PHF20L1: variants seen among roughly 807,000 people sequenced by gnomAD.
The protein encoded by PHF20L1 is PHD finger protein 20 like 1.
In PHF20L1, 44 loss-of-function variants were observed where a neutral mutation model predicts 125.5. That is an observed-to-expected ratio of 0.35 (90% CI 0.28 to 0.45). PHF20L1 has a LOEUF of 0.45. Ranked by LOEUF, PHF20L1 falls within the 20% of genes least tolerant of loss-of-function variation. PHF20L1 has a pLI of 1.00. For synonymous variants in PHF20L1, 380 were observed against 403.1 expected (o/e 0.94, Z 0.69); for missense variants, 1,012 against 1,217.2 (o/e 0.83, Z 2.51).
At chr8:132,779,058 T>C (rs1830139523) in intron 2 of PHF20L1, among the ~76,000 whole-genome samples, 1 of 152,194 alleles carries the variant, frequency 6.6e-6, no homozygotes, top group South Asian at 2.1e-4. Context: ...GTTTCTCTCT[T>C]TTAACATCTG....
chr8:132,831,718 A>G (rs1231915979), intron 14 of PHF20L1, among the ~76,000 whole-genome samples: 1 of 151,982 alleles, frequency 6.6e-6, no homozygotes, highest in Non-Finnish European at 1.5e-5. Flanking sequence ...GTTCTGGGGT[A>G]CATGTACAGG....
rs1194572866 is a variant in PHF20L1, at chr8:132,842,673, C to T, written c.2546C>T (p.Pro849Leu). 3 of 1,613,008 alleles carry T rather than the reference C, an allele frequency of 1.9e-6. No homozygotes were observed. The highest frequency in any genetic ancestry group is 1.1e-5 in the South Asian group (1 of 91,028). The change falls in exon 19 of 21, where the codon CCC becomes CTC. Residue 849 changes from proline (P) to leucine (L), a missense_variant. This residue lies in a region of PHF20L1 where 277 missense variants were observed against 283.6 expected (regional missense o/e 0.98). Coordinates refer to ENST00000395386, the MANE Select transcript of PHF20L1 (RefSeq NM_016018.5). ...VQNHKEPPRLPLKMEGTYITS... is the reference protein window; with the variant it reads ...VQNHKEPPRLLLKMEGTYITS... ...AACCATAAAGAACCACCTCGTTTGCCCCTAAAAATGGAAGGAACTTATATA... is the reference window on the plus strand; with the variant it reads ...AACCATAAAGAACCACCTCGTTTGCTCCTAAAAATGGAAGGAACTTATATA...
chr8:132,812,461 A>G (rs1418921009), intron 9 of PHF20L1: 3 of 984,904 alleles, frequency 3.0e-6, no homozygotes, highest in Non-Finnish European at 3.6e-6. Context: ...ATTGAATTTA[A>G]AAAAGAAAGG....
intron 7 of PHF20L1, 27 bp from the exon 8 acceptor site, chr8:132,804,588 C>T (rs1420708359): frequency 7.0e-6 from 11 of 1,565,252 alleles, no homozygotes; most frequent in Non-Finnish European, 8.7e-6. Context: ...TAGATAAACT[C>T]TCATATATGT....
chr8:132,777,235 T>A lies in PHF20L1; in HGVS notation c.-37-557T>A, dbSNP rs965096778. Among the ~76,000 whole-genome samples, 4 of 152,226 alleles carry A rather than the reference T, an allele frequency of 2.6e-5. No homozygotes were observed. In the South Asian group the frequency reaches 8.3e-4, roughly 31 times the overall value. ...GGAGATCATGGGTAATGAAAAATCC[T>A]AATCCCAAGAGGAATTAGTGGTATC... On this transcript the variant is annotated intron_variant, in intron 1 of 20. Coordinates refer to ENST00000395386, the MANE Select transcript of PHF20L1 (RefSeq NM_016018.5).
At chr8:132,834,627 C>T (rs1280896585) in intron 15 of PHF20L1, among the ~76,000 whole-genome samples, 2 of 152,054 alleles carry the variant, frequency 1.3e-5, no homozygotes, top group East Asian at 1.9e-4. Flanking sequence ...AGCCGCTGTG[C>T]CCGGCCCATT....
At chr8:132,842,332 TTTAA>T (rs1275292462) in intron 18 of PHF20L1, 179 bp from the exon 19 acceptor site, 6 of 471,610 alleles carry the variant, frequency 1.3e-5, no homozygotes, top group Non-Finnish European at 2.2e-5. Context: ...GTATTATTTC[TTTAA>T]TTGAGAAGAT....
chr8:132,807,639 G>A (rs1375516516), intron 8 of PHF20L1: 1 of 436,044 alleles, frequency 2.3e-6, no homozygotes, highest in Non-Finnish European at 4.5e-6. Context: ...AGTAGACCAA[G>A]AATGTAACCA....
intron 2 of PHF20L1, among the ~76,000 whole-genome samples, chr8:132,784,961 T>G (rs1830849679): frequency 6.6e-6 from 1 of 152,172 alleles, no homozygotes; most frequent in African/African-American, 2.4e-5. Flanking sequence ...CTAGAGAGCT[T>G]TCCTCCTAAA....
chr8:132,845,488 T>C (rs1838344019), intron 20 of PHF20L1, among the ~76,000 whole-genome samples: 1 of 152,036 alleles, frequency 6.6e-6, no homozygotes, highest in South Asian at 2.1e-4. Flanking sequence ...TGTATATGTT[T>C]ATGTGTGTGT....
intron 8 of PHF20L1, chr8:132,810,067 C>T (rs1334803273): frequency 2.8e-5 from 4 of 145,178 alleles, no homozygotes; most frequent in South Asian, 4.4e-4. Context: ...TTTTTTGTGG[C>T]GGAGTCTTGC....
chr8:132,781,810 C>T (rs1459806020), intron 2 of PHF20L1, among the ~76,000 whole-genome samples: 1 of 152,168 alleles, frequency 6.6e-6, no homozygotes, highest in Non-Finnish European at 1.5e-5. Flanking sequence ...TTTATCAGTA[C>T]TAATGGACAC....
intron 4 of PHF20L1, among the ~76,000 whole-genome samples, chr8:132,797,010 C>T (rs111980102): frequency 7.9e-4 from 120 of 152,080 alleles, no homozygotes; most frequent in African/African-American, 2.8e-3. Context: ...AACAAAACCA[C>T]CCTCATTCTT....
At chr8:132,783,662 C>A (rs553456474) in intron 2 of PHF20L1, among the ~76,000 whole-genome samples, 6 of 152,158 alleles carry the variant, frequency 3.9e-5, no homozygotes, top group African/African-American at 1.4e-4. Flanking sequence ...TATTAATATG[C>A]ATGCAGTTTT....
intron 14 of PHF20L1, among the ~76,000 whole-genome samples, chr8:132,829,028 T>G (rs1269946259): frequency 6.6e-6 from 1 of 152,068 alleles, no homozygotes; most frequent in East Asian, 1.9e-4. Flanking sequence ...AGGGACTTTA[T>G]GTAGGAGACT....
chr8:132,781,509 A>G (rs959140900), intron 2 of PHF20L1, among the ~76,000 whole-genome samples: 2 of 151,988 alleles, frequency 1.3e-5, no homozygotes, highest in African/African-American at 2.4e-5. Flanking sequence ...GCTCGCTGCA[A>G]CCTCCGCCTC....
chr8:132,785,032 T>C (rs1215722941), intron 2 of PHF20L1, among the ~76,000 whole-genome samples: 2 of 152,274 alleles, frequency 1.3e-5, no homozygotes, highest in South Asian at 2.1e-4. Flanking sequence ...CAATTTATAA[T>C]GAGGGTAAAG....
At chr8:132,817,690 T>A (rs1412729341) in intron 12 of PHF20L1, 145 bp downstream of exon 12, 7 of 614,300 alleles carry the variant, frequency 1.1e-5, no homozygotes, top group Admixed American at 6.0e-5. Flanking sequence ...TATAGGAGAG[T>A]TTCATCTCCG....
chr8:132,829,400 T>C (rs1197530331), intron 14 of PHF20L1, among the ~76,000 whole-genome samples: 3 of 152,124 alleles, frequency 2.0e-5, no homozygotes, highest in Non-Finnish European at 4.4e-5. Context: ...TTGATAGTTT[T>C]ATTGCATAGA....
Sources: allele counts gnomAD v4.1 joint callset (sites outside exome capture counted in the v4.1 genomes callset), GRCh38; gene constraint gnomAD v4.1.1; regional missense constraint gnomAD v4.1.1; transcripts MANE v1.5; gene names NCBI Gene and HGNC (gene_info 2026-07-23, HGNC 2026-07-21).